The following KCNH7 variants were observed in gnomAD, a reference collection of about 807,000 sequenced individuals.
The protein encoded by KCNH7 is potassium voltage-gated channel subfamily H member 7.
KCNH7 carries 49 observed loss-of-function variants against 120.8 expected under a neutral mutation model. The ratio of observed to expected loss-of-function variants is 0.41; its 90% CI spans 0.32 to 0.51. The LOEUF (loss-of-function observed/expected upper bound fraction) is 0.51. Among genes scored for constraint, KCNH7 ranks in the 20% least tolerant of loss-of-function variants. The probability of loss-of-function intolerance (pLI) is 0.38; values close to 1 mark genes in which losing one functional copy is unlikely to be tolerated. For missense variants in KCNH7, 1,097 were observed against 1,446.6 expected, an observed-to-expected ratio of 0.76 and a Z score of 3.92; for synonymous variants, 547 against 516.1, an observed-to-expected ratio of 1.06 and a Z score of -0.81.
Position 162,562,881 on chromosome 2 carries a change from G to A in KCNH7, c.308-25801C>T, listed in dbSNP as rs186438315. 9.2e-5 allele frequency among the ~76,000 whole-genome samples: 14 copies of A among 152,194 alleles called. No homozygotes were observed. The East Asian group carries it at 1.5e-3, about 17-fold the overall frequency. ...CTTTTGTATTGGGTGCCACACTTGC[G>A]TCCCATAGCCCAGTGTGAAAGTGGC... On this transcript the variant is annotated intron_variant, in intron 2 of 15. Coordinates refer to ENST00000332142, the MANE Select transcript of KCNH7 (RefSeq NM_033272.4).
intron 2 of KCNH7, chr2:162,771,826 A>C (rs1270017860): frequency 6.6e-6 from 1 of 152,116 alleles, no homozygotes; most frequent in Non-Finnish European, 1.5e-5. Context: ...TTATAATACT[A>C]TGTAGTTCAC....
At chr2:162,760,068 C>T (rs186736833) in intron 2 of KCNH7, among the ~76,000 whole-genome samples, 61 of 152,206 alleles carry the variant, frequency 4.0e-4, no homozygotes, top group Admixed American at 3.7e-3. Context: ...GGTCATGTGG[C>T]ACATAATTTC....
intron 2 of KCNH7, among the ~76,000 whole-genome samples, chr2:162,817,764 T>C (rs1684965845): frequency 6.6e-6 from 1 of 152,138 alleles, no homozygotes; most frequent in East Asian, 1.9e-4. Flanking sequence ...TAGTGGGTGC[T>C]AATAGCATCT....
intron 9 of KCNH7, 198 bp downstream of exon 9, chr2:162,423,138 C>G: frequency 1.8e-6 from 2 of 1,124,158 alleles, no homozygotes; most frequent in Non-Finnish European, 2.5e-6. Context: ...AATGCCTTTG[C>G]CACACAGTAT....
chr2:162,472,233 C>T (rs1169814839), intron 6 of KCNH7, among the ~76,000 whole-genome samples: 1 of 152,146 alleles, frequency 6.6e-6, no homozygotes, highest in East Asian at 1.9e-4. Flanking sequence ...CCAAAATTGA[C>T]AAATGGGATC....
At chr2:162,764,279 G>T (rs1487212045) in intron 2 of KCNH7, among the ~76,000 whole-genome samples, 1 of 151,984 alleles carries the variant, frequency 6.6e-6, no homozygotes, top group Non-Finnish European at 1.5e-5. Flanking sequence ...AAGCCATCAT[G>T]CTTTGATTTT....
chr2:162,562,110 G>A (rs1374885024), intron 2 of KCNH7, among the ~76,000 whole-genome samples: 1 of 152,138 alleles, frequency 6.6e-6, no homozygotes, highest in Non-Finnish European at 1.5e-5. Context: ...ACCTAATGAA[G>A]ATGACGGGTT....
chr2:162,688,517 A>C (rs1292573216), intron 2 of KCNH7, among the ~76,000 whole-genome samples: 1 of 152,152 alleles, frequency 6.6e-6, no homozygotes, highest in Non-Finnish European at 1.5e-5. Flanking sequence ...GGCACATGAA[A>C]ACACAGTAGT....
chr2:162,648,787 G>T (rs150306742), intron 2 of KCNH7, among the ~76,000 whole-genome samples: 52 of 151,890 alleles, frequency 3.4e-4, no homozygotes, highest in African/African-American at 1.1e-3. Context: ...AAAAAATTTT[G>T]CTCACTCTTG....
intron 2 of KCNH7, among the ~76,000 whole-genome samples, chr2:162,724,638 C>T (rs1369247819): frequency 6.9e-6 from 1 of 144,518 alleles, no homozygotes; most frequent in African/African-American, 2.7e-5. Context: ...CGCCACTGCA[C>T]TCCAGCCTGG....
intron 9 of KCNH7, among the ~76,000 whole-genome samples, chr2:162,411,456 T>C (rs966912979): frequency 2.0e-5 from 3 of 151,820 alleles, no homozygotes; most frequent in Non-Finnish European, 2.9e-5. Context: ...GAGGACTGCT[T>C]GAGGAGGGAG....
chr2:162,491,645 A>T (rs1329835724), intron 6 of KCNH7, among the ~76,000 whole-genome samples: 1 of 152,184 alleles, frequency 6.6e-6, no homozygotes, highest in Admixed American at 6.5e-5. Context: ...AACATGGGTG[A>T]AAAGTTGCAT....
In KCNH7 at chr2:162,697,357, T is replaced by C. The variant is rs149687991; in HGVS notation, c.307+139180A>G. Among the ~76,000 whole-genome samples, 328 of 152,218 alleles carry C rather than the reference T, an allele frequency of 2.2e-3. 2 individuals are homozygous for C. The highest frequency in any genetic ancestry group is 7.3e-3 in the African/African-American group (302 of 41,540). ...AACTCTACAGGTCAAAAGCCCTGAGTACTTGTGCCAATCAACTATAAGAAA... is the reference window on the plus strand; with the variant it reads ...AACTCTACAGGTCAAAAGCCCTGAGCACTTGTGCCAATCAACTATAAGAAA... On this transcript the variant is annotated intron_variant, in intron 2 of 15. Coordinates refer to ENST00000332142, the MANE Select transcript of KCNH7 (RefSeq NM_033272.4).
chr2:162,420,838 G>A (rs549824565), intron 9 of KCNH7, among the ~76,000 whole-genome samples: 2 of 152,118 alleles, frequency 1.3e-5, no homozygotes, highest in South Asian at 2.1e-4. Flanking sequence ...TATGTGTGAC[G>A]ATACATAAAT....
intron 15 of KCNH7, among the ~76,000 whole-genome samples, chr2:162,372,428 T>C (rs573627494): frequency 6.6e-6 from 1 of 152,190 alleles, no homozygotes; most frequent in African/African-American, 2.4e-5. Flanking sequence ...ATGGGATCAC[T>C]TGATGAATAA....
At chr2:162,438,673 A>G (rs1031551017) in intron 7 of KCNH7, among the ~76,000 whole-genome samples, 8 of 152,142 alleles carry the variant, frequency 5.3e-5, no homozygotes, top group African/African-American at 1.7e-4. Flanking sequence ...GAATAACTAC[A>G]TATGCTGGCT....
At chr2:162,747,348 TTGATC>T (rs1688351245) in intron 2 of KCNH7, among the ~76,000 whole-genome samples, 1 of 152,144 alleles carries the variant, frequency 6.6e-6, no homozygotes, top group Non-Finnish European at 1.5e-5. Flanking sequence ...ATCAAGAACT[TTGATC>T]TGTTAGCACT....
chr2:162,384,541 G>A, intron 13 of KCNH7, 147 bp downstream of exon 13: 1 of 793,840 alleles, frequency 1.3e-6, no homozygotes, highest in Non-Finnish European at 2.0e-6. Context: ...CTTCATGGAT[G>A]ATCTGAAATC....
chr2:162,792,221 T>C (rs1683973619), intron 2 of KCNH7, among the ~76,000 whole-genome samples: 2 of 152,188 alleles, frequency 1.3e-5, no homozygotes, highest in African/African-American at 4.8e-5. Flanking sequence ...TCAATGTTCA[T>C]CAAGGATATT....
Sources: gnomAD v4.1 joint callset for allele counts (sites outside exome capture counted in the v4.1 genomes callset) on GRCh38, gnomAD v4.1.1 for gene constraint, MANE v1.5 for transcripts, NCBI Gene and HGNC (gene_info 2026-07-23, HGNC 2026-07-21) for gene names.